TTC34: variants seen among roughly 807,000 people sequenced by gnomAD.
The protein encoded by TTC34 is tetratricopeptide repeat domain 34, also known as tetratricopeptide repeat protein 34.
TTC34 carries 44 observed loss-of-function variants against 40.7 expected under a neutral mutation model. The observed-to-expected ratio is 1.08, with a 90% CI of 0.85 to 1.39. The LOEUF is 1.39. TTC34 is among the 40% of genes most tolerant of loss of function. The pLI is 0.00. For missense variants in TTC34, 884 were observed against 838.0 expected (o/e 1.05, Z -0.68); for synonymous variants, 422 against 398.6 (o/e 1.06, Z -0.70).
At chr1:2,785,001 G>A (rs1019784445) in intron 5 of TTC34, among the ~76,000 whole-genome samples, 3 of 152,016 alleles carry the variant, frequency 2.0e-5, no homozygotes, top group Non-Finnish European at 2.9e-5. Context: ...GCTCTGGGCC[G>A]CTCTGGGCCG....
intron 2 of TTC34, 148 bp downstream of exon 2, chr1:2,799,896 C>CA (rs1477294787): frequency 1.0e-5 from 4 of 397,652 alleles, no homozygotes; most frequent in Non-Finnish European, 1.8e-5. Context: ...TTGGGTGCTC[C>CA]AAAGGGGCAG....
intron 6 of TTC34, among the ~76,000 whole-genome samples, chr1:2,685,838 T>A (rs369108164): frequency 2.7e-5 from 2 of 73,984 alleles, no homozygotes; most frequent in South Asian, 9.0e-4. Flanking sequence ...GGCACCCCCA[T>A]GCCCAGGTGA....
At chr1:2,641,431 A>G in exon 9 of TTC34, 1 of 1,535,006 alleles carries the variant, frequency 6.5e-7, no homozygotes, top group Non-Finnish European at 8.7e-7. Flanking sequence ...TCTTCAGGCC[A>G]CGGTGGTCGG....
At chr1:2,653,697 T>G (rs796779056) in intron 6 of TTC34, among the ~76,000 whole-genome samples, 133 of 41,620 alleles carry the variant, frequency 3.2e-3, no homozygotes, top group East Asian at 0.012. Context: ...CACCCCCAGG[T>G]GAGCATCTGA....
intron 6 of TTC34, among the ~76,000 whole-genome samples, chr1:2,699,074 CG>C (rs1285013114): frequency 9.6e-5 from 2 of 20,892 alleles, no homozygotes; most frequent in Admixed American, 9.8e-4. Flanking sequence ...TCGGAGAGTC[CG>C]GAGCAGCGCC....
rs1638995868 is a variant in TTC34, at chr1:2,645,235, A to G, written c.2497+58T>C. 2.8e-6 allele frequency: 4 copies of G among 1,428,134 alleles called. No homozygotes were observed. The highest frequency in any genetic ancestry group is 2.7e-6 in the Non-Finnish European group (3 of 1,092,840). 88.5% of individuals were successfully genotyped at this position (1,428,134 alleles called of 1,614,324 possible). A position where few individuals can be genotyped will look rare whatever the true frequency, so the allele number is the denominator to read the frequency against. ...TTTTACAGAACAGGATACAGAGGTC[A>G]GAGGAGCGGGGACAGAAGCCCAGAC... is the stretch of plus-strand genomic sequence containing the variant. On this transcript the variant is annotated intron_variant, in intron 7 of 8. Transcript: ENST00000401095. This position sits in a 1 kb window ranked among gnomAD's most constrained non-coding sequence, Gnocchi z 4.7.
intron 6 of TTC34, among the ~76,000 whole-genome samples, chr1:2,760,317 GC>G (rs1557643814): frequency 5.5e-5 from 1 of 18,198 alleles, no homozygotes; most frequent in Non-Finnish European, 8.5e-5. Flanking sequence ...GAACAGCACC[GC>G]ACACCCGCAG....
chr1:2,795,241 C>T (rs955951237), intron 2 of TTC34, among the ~76,000 whole-genome samples: 3 of 152,110 alleles, frequency 2.0e-5, no homozygotes, highest in Non-Finnish European at 4.4e-5. Flanking sequence ...AGAGCAAGAC[C>T]CTGTCTCAAA....
intron 6 of TTC34, among the ~76,000 whole-genome samples, chr1:2,694,889 A>T: frequency 7.7e-6 from 1 of 129,068 alleles, no homozygotes; most frequent in Admixed American, 7.7e-5. Flanking sequence ...TGAGCATCCG[A>T]CAGCCTGGAA....
chr1:2,784,094 C>T (rs1643537494), intron 5 of TTC34, among the ~76,000 whole-genome samples: 1 of 152,030 alleles, frequency 6.6e-6, no homozygotes, highest in Non-Finnish European at 1.5e-5. Context: ...CCGGTAGTGG[C>T]CCCGAACGGC....
chr1:2,698,785 A>T (rs1239350778), intron 6 of TTC34, among the ~76,000 whole-genome samples: 5 of 146,420 alleles, frequency 3.4e-5, no homozygotes, highest in Non-Finnish European at 4.5e-5. Context: ...TGAACATCCG[A>T]CATCGTGGAG....
chr1:2,699,180 A>T (rs1321759171), intron 6 of TTC34, among the ~76,000 whole-genome samples: 1 of 143,394 alleles, frequency 7.0e-6, no homozygotes, highest in Admixed American at 6.9e-5. Context: ...GCCCAAGGTG[A>T]GCATCTGACA....
At chr1:2,654,129 C>G (rs1178476154) in intron 6 of TTC34, among the ~76,000 whole-genome samples, 12 of 143,940 alleles carry the variant, frequency 8.3e-5, no homozygotes, top group Admixed American at 2.9e-4. Flanking sequence ...AGCACCCACA[C>G]CCCCAGGCGA....
chr1:2,677,617 G>A (rs1233753945), intron 6 of TTC34, among the ~76,000 whole-genome samples: 1 of 58,990 alleles, frequency 1.7e-5, no homozygotes, highest in Non-Finnish European at 4.0e-5. Flanking sequence ...GCCCCCCCAG[G>A]TGAGCATCTG....
chr1:2,764,207 G>C (rs1641723741), intron 6 of TTC34, among the ~76,000 whole-genome samples: 1 of 149,396 alleles, frequency 6.7e-6, no homozygotes, highest in East Asian at 2.0e-4. Flanking sequence ...TGACAGTCTG[G>C]AACAGCATCC....
rs528079565 is a variant in TTC34 at position 2,789,439 on chromosome 1, C to T, written c.1628+64G>A. On this transcript the variant is annotated intron_variant, in intron 3 of 8. Transcript: ENST00000401095. ...TTTGTAAAATAGGAGGAAACACATC[C>T]GTCGCTACCTCGAAGGAGACCCGCA... is the stretch of plus-strand genomic sequence containing the variant. 19 of 1,418,848 alleles carry T rather than the reference C, an allele frequency of 1.3e-5. No homozygotes were observed. The East Asian group carries it at 5.2e-4, about 39-fold the overall frequency. The allele number at this position is 1,418,848 out of a possible 1,614,324, so 87.9% of individuals were successfully genotyped here.
exon 3 of TTC34, chr1:2,790,061 G>A (rs1475745645): frequency 2.5e-6 from 1 of 397,802 alleles, no homozygotes; most frequent in Non-Finnish European, 4.4e-6. Context: ...GACGCGGAGC[G>A]CGCGGGTTAC....
At chr1:2,800,947 G>T in intron 1 of TTC34, 79 bp from the exon 2 acceptor site, 3 of 398,040 alleles carry the variant, frequency 7.5e-6, no homozygotes, top group Non-Finnish European at 1.3e-5. Context: ...CCAGCCTCAA[G>T]CCACCTCCAC....
intron 6 of TTC34, among the ~76,000 whole-genome samples, chr1:2,749,445 C>A (rs1641245430): frequency 9.1e-6 from 1 of 109,914 alleles, no homozygotes; most frequent in Non-Finnish European, 1.9e-5. Flanking sequence ...CACCGACACC[C>A]CCAGGTGAGC....
Sources: allele counts gnomAD v4.1 joint callset (sites outside exome capture counted in the v4.1 genomes callset), GRCh38; gene constraint gnomAD v4.1.1; non-coding constraint Gnocchi (gnomAD v3.1); transcripts MANE v1.5; gene names NCBI Gene and HGNC (gene_info 2026-07-23, HGNC 2026-07-21).